Variants in INTU observed in about 807,000 individuals in gnomAD.
INTU encodes inturned planar cell polarity protein, also known as protein inturned.
INTU carries 68 observed loss-of-function variants against 100.5 expected under a neutral mutation model. The ratio of observed to expected loss-of-function variants is 0.68; its 90% CI spans 0.56 to 0.83. The LOEUF (loss-of-function observed/expected upper bound fraction) is 0.83, where lower values mean the gene tolerates loss of function less well. INTU is among the 40% of genes least tolerant of loss of function. INTU has a pLI of 0.00. For synonymous variants in INTU, 357 were observed against 395.7 expected, an observed-to-expected ratio of 0.90 and a Z score of 1.16; for missense variants, 1,071 against 1,114.7, an observed-to-expected ratio of 0.96 and a Z score of 0.56.
chr4:127,698,405 T>C (rs991011509), intron 8 of INTU, among the ~76,000 whole-genome samples: 4 of 150,160 alleles, frequency 2.7e-5, no homozygotes, highest in Non-Finnish European at 5.9e-5. Flanking sequence ...GAGCTTGCCA[T>C]GAGCCAAGAT....
At chr4:127,681,708 C>G (rs1395288477) in intron 6 of INTU, among the ~76,000 whole-genome samples, 4 of 152,172 alleles carry the variant, frequency 2.6e-5, no homozygotes. Flanking sequence ...GACTTCATAT[C>G]TAAAACACCA....
At chr4:127,639,615 C>T (rs1727221215) in intron 1 of INTU, among the ~76,000 whole-genome samples, 1 of 152,024 alleles carries the variant, frequency 6.6e-6, no homozygotes, top group Admixed American at 6.6e-5. Flanking sequence ...ATACACTAAT[C>T]ATTTATCCTC....
chr4:127,643,778 A>G lies in INTU; in HGVS notation c.404A>G (p.Asp135Gly), dbSNP rs757940950. Residue 135 changes from aspartate to glycine, a missense_variant, in exon 2 of 16, where the codon GAC (aspartate) becomes GGC (glycine). Asp to Gly is a moderately conservative substitution (Grantham distance 94). Coordinates refer to ENST00000335251, the MANE Select transcript of INTU (RefSeq NM_015693.4). The stretch of plus-strand genomic sequence containing the variant: ...CGCTGCAATAAAAAAAATAGCAATG[A>G]CAATGGACCAGTATCCATTCTAAAG... The part of the protein sequence containing the change: ...PKRCNKKNSN[D>G]NGPVSILKHQ... 1.4e-5 allele frequency: 22 copies of G among 1,613,842 alleles called. No individual in the cohort carries two copies. The South Asian group carries it at 1.4e-4, about 10-fold the overall frequency.
chr4:127,676,658 C>A (rs1338912511), intron 6 of INTU, among the ~76,000 whole-genome samples: 1 of 152,070 alleles, frequency 6.6e-6, no homozygotes, highest in Non-Finnish European at 1.5e-5. Flanking sequence ...TCTACAGCTC[C>A]CAGCGTGAGC....
intron 1 of INTU, among the ~76,000 whole-genome samples, chr4:127,639,423 C>A (rs1300996747): frequency 1.3e-5 from 2 of 152,134 alleles, no homozygotes; most frequent in African/African-American, 4.8e-5. Flanking sequence ...GATTAAACTT[C>A]ATCTCCTGGA....
chr4:127,686,053 A>G (rs1054653193), intron 7 of INTU: 2 of 152,206 alleles, frequency 1.3e-5, no homozygotes, highest in African/African-American at 4.8e-5. Context: ...ATAAATTTTT[A>G]TAACAACTTT....
Position 127,669,022 on chromosome 4 carries a change from G to A in INTU, c.973-14G>A. 1 of 1,235,284 alleles carries A rather than the reference G, an allele frequency of 8.1e-7. No homozygotes were observed. The highest frequency in any genetic ancestry group is 1.1e-6 in the Non-Finnish European group (1 of 870,792). 76.5% of individuals were successfully genotyped at this position (1,235,284 alleles called of 1,614,324 possible). A position where few individuals can be genotyped will look rare whatever the true frequency, so the allele number is the denominator to read the frequency against. On this transcript the variant is annotated splice_polypyrimidine_tract_variant and intron_variant, in intron 4 of 15. Transcript: ENST00000335251. ...GGAAAATTGGGTGGTTTGATCATTT[G>A]TTTCATTTAACAGCAGGAAATTCTT...
chr4:127,638,652 A>G (rs191824455), intron 1 of INTU, among the ~76,000 whole-genome samples: 88 of 152,268 alleles, frequency 5.8e-4, no homozygotes, highest in African/African-American at 2.0e-3. Flanking sequence ...ATGCAAGTGA[A>G]CTTGCTTATT....
intron 5 of INTU, among the ~76,000 whole-genome samples, chr4:127,672,484 G>A (rs1383927385): frequency 1.2e-5 from 1 of 82,958 alleles, no homozygotes; most frequent in African/African-American, 4.7e-5. Context: ...TTTTTTTTTT[G>A]CCTTTATTTT....
intron 6 of INTU, among the ~76,000 whole-genome samples, chr4:127,676,618 G>A (rs1178645240): frequency 1.3e-5 from 2 of 151,364 alleles, no homozygotes; most frequent in African/African-American, 4.9e-5. Context: ...AGAGGTGGGA[G>A]CCAAGATGGC....
At position 127,726,363 on chromosome 4, in the gene INTU, T is replaced by C. The variant is rs7678085; in HGVS notation, c.*9927T>C. 85,966 of 152,030 alleles carry C rather than the reference T, an allele frequency of 0.57. 24,464 individuals carry two copies. Among genetic ancestry groups the C allele is most frequent in the Middle Eastern group, 0.68 (201 of 294 alleles). The allele number at this position is 152,030 out of a possible 1,614,324, so 9.4% of individuals were successfully genotyped here. ...TTTTTCTGCTTTGGACATAATTGTA[T>C]GTGTTAATTCTCTCTAAACAGTGCC... is the stretch of plus-strand genomic sequence containing the variant. On this transcript the variant is annotated 3_prime_UTR_variant, in exon 16 of 16. Transcript: ENST00000335251.
At chr4:127,711,607 G>A (rs1168802717) in intron 14 of INTU, among the ~76,000 whole-genome samples, 3 of 152,196 alleles carry the variant, frequency 2.0e-5, no homozygotes, top group Non-Finnish European at 4.4e-5. Flanking sequence ...GGGCCAGGGA[G>A]CCTTACTGCC....
In INTU at chr4:127,719,173, T is replaced by G. The variant is rs962326654; in HGVS notation, c.*2737T>G. ...TATGTTCCTTCAATACCTAGTTTAT[T>G]GAGAGTTTTTAACATGAAAGGATGT... On this transcript the variant is annotated 3_prime_UTR_variant, in exon 16 of 16. Coordinates refer to ENST00000335251, the MANE Select transcript of INTU (RefSeq NM_015693.4). 1 of 152,202 alleles carries G rather than the reference T, an allele frequency of 6.6e-6. No individual in the cohort carries two copies. Among genetic ancestry groups the G allele is most frequent in the Non-Finnish European group, 1.5e-5 (1 of 68,034 alleles). 9.4% of individuals were successfully genotyped at this position (152,202 alleles called of 1,614,324 possible).
At chr4:127,675,085 G>A (rs1729115084) in intron 6 of INTU, among the ~76,000 whole-genome samples, 1 of 152,180 alleles carries the variant, frequency 6.6e-6, no homozygotes, top group South Asian at 2.1e-4. Flanking sequence ...TATTATAATA[G>A]TGTTATGTTC....
chr4:127,703,622 A>G (rs1362965862), intron 9 of INTU, among the ~76,000 whole-genome samples: 1 of 152,016 alleles, frequency 6.6e-6, no homozygotes. Context: ...GATCAATCAT[A>G]TTTTTTTAAC....
rs1217147476 is a variant in INTU at position 127,718,285 on chromosome 4, A to T, written c.*1849A>T. The T allele has an allele frequency of 3.9e-5, 6 of 152,122 alleles. No homozygotes were observed. Among genetic ancestry groups the T allele is most frequent in the South Asian group, 2.1e-4 (1 of 4,820 alleles). The allele number at this position is 152,122 out of a possible 1,614,324, so 9.4% of individuals were successfully genotyped here. A position where few individuals can be genotyped will look rare whatever the true frequency, so the allele number is the denominator to read the frequency against. On this transcript the variant is annotated 3_prime_UTR_variant, in exon 16 of 16. Coordinates refer to ENST00000335251, the MANE Select transcript of INTU (RefSeq NM_015693.4). ...TTTTCTCAGGTTTGTTGAAGATCAG[A>T]TGGTTGTAGATGTGCAATCTTATTT... is the stretch of plus-strand genomic sequence containing the variant.
At chr4:127,703,973 G>T (rs1366856175) in intron 9 of INTU, among the ~76,000 whole-genome samples, 1 of 152,098 alleles carries the variant, frequency 6.6e-6, no homozygotes, top group Non-Finnish European at 1.5e-5. Context: ...ATCCCTCATA[G>T]AGTGACAGAT....
rs551905366 is a variant in INTU at position 127,639,070 on chromosome 4, C to G, written c.147-4451C>G. ...CCATAAATCCTTCACCCACTTTCCC[C>G]TGATGTTAACATCTTACACAACTAT... On this transcript the variant is annotated intron_variant, in intron 1 of 15. Transcript: ENST00000335251. Among the ~76,000 whole-genome samples, 32 of 152,260 alleles carry G rather than the reference C, an allele frequency of 2.1e-4. 1 individual carries two copies. In the South Asian group the frequency reaches 6.0e-3, roughly 29 times the overall value.
chr4:127,700,171 C>T (rs748313685), intron 9 of INTU, 108 bp downstream of exon 9: 5 of 857,774 alleles, frequency 5.8e-6, no homozygotes, highest in Non-Finnish European at 7.2e-6. Context: ...TTGAAATACA[C>T]ATTAGGCCTC....
Sources: allele counts gnomAD v4.1 joint callset (sites outside exome capture counted in the v4.1 genomes callset), GRCh38; gene constraint gnomAD v4.1.1; transcripts MANE v1.5; gene names NCBI Gene and HGNC (gene_info 2026-07-23, HGNC 2026-07-21).